Variants in KIAA1217 observed in about 807,000 individuals in gnomAD.
KIAA1217 encodes KIAA1217, also known as sickle tail protein homolog.
Under a neutral mutation model 163.9 loss-of-function variants are expected in KIAA1217, and 88 were observed. The ratio of observed to expected loss-of-function variants is 0.54; its 90% confidence interval spans 0.45 to 0.64. KIAA1217 has a LOEUF of 0.64. KIAA1217 is among the 30% of genes least tolerant of loss of function. KIAA1217 has a pLI of 0.00. For synonymous variants in KIAA1217, 903 were observed against 923.1 expected (o/e 0.98, Z 0.39); for missense variants, 2,372 against 2,475.0 (o/e 0.96, Z 0.88).
Position 24,468,281 on chromosome 10 carries a change from G to A in KIAA1217, c.847-4947G>A, listed in dbSNP as rs555064174. On this transcript the variant is annotated intron_variant, in intron 5 of 20. Coordinates refer to ENST00000376454, the MANE Select transcript of KIAA1217 (RefSeq NM_019590.5). ...GGTAGGATTCCCAAGTTGTCTGATC[G>A]TAAGGGTTCATTCTAGTTGTGGTTT... 8.5e-5 allele frequency among the ~76,000 whole-genome samples: 13 copies of A among 152,240 alleles called. No individual in the cohort carries two copies. The South Asian group carries it at 2.1e-3, about 24-fold the overall frequency.
rs542549839 is a variant in KIAA1217 at position 24,263,982 on chromosome 10, C to G, written c.354+44073C>G. Among the ~76,000 whole-genome samples, 47 of 152,180 alleles carry G rather than the reference C, an allele frequency of 3.1e-4. No homozygotes were observed. In the East Asian group the frequency reaches 7.4e-3, roughly 24 times the overall value. The stretch of plus-strand genomic sequence containing the variant: ...AAGTGATTCCCCTGCCTTAGCCTCC[C>G]GAGGAGCTGGGACTACAGGCACGTG... On this transcript the variant is annotated intron_variant, in intron 2 of 20. Transcript: ENST00000376454.
At chr10:23,871,018 CT>C (rs796387503) in intron 1 of KIAA1217, among the ~76,000 whole-genome samples, 112 of 144,414 alleles carry the variant, frequency 7.8e-4, no homozygotes, top group South Asian at 1.1e-3. Context: ...TTTTTCTTTT[CT>C]TTTTTTTTTT....
intron 12 of KIAA1217, 32 bp from the exon 13 acceptor site, chr10:24,524,291 G>C: frequency 3.2e-6 from 5 of 1,584,116 alleles, no homozygotes; most frequent in Non-Finnish European, 4.3e-6. Flanking sequence ...AGTGACATGA[G>C]GGTTAATGCC....
At chr10:24,246,583 T>C (rs957993864) in intron 2 of KIAA1217, among the ~76,000 whole-genome samples, 4 of 152,250 alleles carry the variant, frequency 2.6e-5, no homozygotes, top group African/African-American at 9.6e-5. Context: ...TAGGAACACA[T>C]AACCAAGTTA....
At chr10:24,106,813 C>T (rs1051013803) in intron 2 of KIAA1217, among the ~76,000 whole-genome samples, 2 of 152,140 alleles carry the variant, frequency 1.3e-5, no homozygotes, top group African/African-American at 4.8e-5. Flanking sequence ...GGAAAATCCC[C>T]ACCAGTTATT....
rs552219922 is a variant in KIAA1217 at position 24,515,986 on chromosome 10, G to A, written c.2177+2552G>A. On this transcript the variant is annotated intron_variant, in intron 10 of 20. Transcript: ENST00000376454. ...CTCAGGAGGCTGAAGCAGGAGGATC[G>A]TTTGAGCCCAGGAGTTCAAAGCTGC... 5.3e-5 allele frequency among the ~76,000 whole-genome samples: 8 copies of A among 152,324 alleles called. No homozygotes were observed. The East Asian group carries it at 9.7e-4, about 18-fold the overall frequency.
chr10:24,336,807 G>A (rs370028195), intron 2 of KIAA1217, among the ~76,000 whole-genome samples: 2 of 152,228 alleles, frequency 1.3e-5, no homozygotes, highest in East Asian at 1.9e-4. Context: ...TCATTCCATT[G>A]GGAAAGGAAA....
chr10:23,867,464 T>C (rs369415295), intron 1 of KIAA1217, among the ~76,000 whole-genome samples: 2 of 152,066 alleles, frequency 1.3e-5, no homozygotes, highest in African/African-American at 4.8e-5. Flanking sequence ...TACAGTCCCA[T>C]CAACAGTTTA....
chr10:23,918,172 A>T (rs77152399), intron 1 of KIAA1217, among the ~76,000 whole-genome samples: 1,177 of 110,350 alleles, frequency 0.011, 14 homozygotes, highest in African/African-American at 0.038. Flanking sequence ...TTTTTTTTTT[A>T]AAGAGATAGG....
In KIAA1217 at chr10:24,233,757, C is replaced by T. The variant is rs572931124; in HGVS notation, c.354+13848C>T. Among the ~76,000 whole-genome samples, 17 of 152,326 alleles carry T rather than the reference C, an allele frequency of 1.1e-4. No individual in the cohort carries two copies. The East Asian group carries it at 2.9e-3, about 26-fold the overall frequency. ...ACATTTATCTATTCTGTATTCTATGCACATACATACGCACACATATATATT... is the reference window on the plus strand; with the variant it reads ...ACATTTATCTATTCTGTATTCTATGTACATACATACGCACACATATATATT... On this transcript the variant is annotated intron_variant, in intron 2 of 20. Coordinates refer to ENST00000376454, the MANE Select transcript of KIAA1217 (RefSeq NM_019590.5).
intron 1 of KIAA1217, among the ~76,000 whole-genome samples, chr10:23,714,431 G>A (rs530093036): frequency 6.6e-6 from 1 of 152,180 alleles, no homozygotes; most frequent in African/African-American, 2.4e-5. Context: ...TCTGCAGAGG[G>A]TAGCTTCCAT....
Position 24,313,740 on chromosome 10 carries a change from T to C in KIAA1217, c.355-67129T>C, listed in dbSNP as rs145682197. ...TGAGAGAGGTGATCCTTTGATTGAA[T>C]GTTTTTTTCATCCAACACCAAAAAA... On this transcript the variant is annotated intron_variant, in intron 2 of 20. Transcript: ENST00000376454. 3.2e-4 allele frequency among the ~76,000 whole-genome samples: 49 copies of C among 152,164 alleles called. 1 individual carries two copies. In the East Asian group the frequency reaches 8.9e-3, roughly 28 times the overall value.
chr10:24,234,303 C>T (rs1360811481), intron 2 of KIAA1217, among the ~76,000 whole-genome samples: 2 of 151,886 alleles, frequency 1.3e-5, no homozygotes. Context: ...CCTGAAACAC[C>T]TCTGGTCCCA....
intron 2 of KIAA1217, among the ~76,000 whole-genome samples, chr10:24,300,633 T>C (rs770479403): frequency 1.6e-4 from 24 of 152,292 alleles, no homozygotes; most frequent in Middle Eastern, 3.4e-3. Context: ...AGTGGCACGA[T>C]CTCGACTCAC....
chr10:24,138,886 CAT>C (rs1224637678), intron 2 of KIAA1217, among the ~76,000 whole-genome samples: 2 of 152,094 alleles, frequency 1.3e-5, no homozygotes, highest in African/African-American at 4.8e-5. Context: ...TTTTAAAGCT[CAT>C]GTGACATTAT....
At chr10:23,952,951 A>G (rs1844405577) in intron 1 of KIAA1217, among the ~76,000 whole-genome samples, 1 of 152,216 alleles carries the variant, frequency 6.6e-6, no homozygotes, top group Non-Finnish European at 1.5e-5. Context: ...GACTGCATTC[A>G]TTCACAAAAG....
At chr10:23,804,749 C>T (rs1836656122) in intron 1 of KIAA1217, among the ~76,000 whole-genome samples, 1 of 152,064 alleles carries the variant, frequency 6.6e-6, no homozygotes, top group Admixed American at 6.6e-5. Flanking sequence ...AAATAGCCAG[C>T]GTGAATGAAA....
In KIAA1217 at chr10:23,949,485, T is replaced by G. The variant is rs143179658; in HGVS notation, c.-320-57740T>G. 1.0e-3 allele frequency among the ~76,000 whole-genome samples: 159 copies of G among 152,352 alleles called. 1 individual carries two copies. The highest frequency in any genetic ancestry group is 3.6e-3 in the African/African-American group (150 of 41,580). ...GTTTCCCTGACAATGATTACTTATA[T>G]TTGTACAGAATAACATTACAAATGC... On this transcript the variant is annotated intron_variant, in intron 1 of 18. Coordinates refer to the KIAA1217 transcript ENST00000376462.
At chr10:23,906,233 T>C (rs1462838033) in intron 1 of KIAA1217, among the ~76,000 whole-genome samples, 1 of 151,646 alleles carries the variant, frequency 6.6e-6, no homozygotes, top group Non-Finnish European at 1.5e-5. Context: ...AGAAGGGACA[T>C]GAACATTCAA....
Sources: gnomAD v4.1 joint callset for allele counts (sites outside exome capture counted in the v4.1 genomes callset) on GRCh38, gnomAD v4.1.1 for gene constraint, MANE v1.5 for transcripts, NCBI Gene and HGNC (gene_info 2026-07-23, HGNC 2026-07-21) for gene names.